Variants in RAP1A observed in about 807,000 individuals in gnomAD.
RAP1A encodes the protein ras-related protein Rap-1A.
Under a neutral mutation model 26.4 loss-of-function variants are expected in RAP1A, and 6 were observed. The ratio of observed to expected loss-of-function variants is 0.23; its 90% CI spans 0.12 to 0.45. RAP1A has a LOEUF of 0.45. RAP1A is among the 20% of genes least tolerant of loss of function. The probability of loss-of-function intolerance (pLI) is 0.99; values close to 1 mark genes in which losing one functional copy is unlikely to be tolerated. For missense variants in RAP1A, 121 were observed against 217.2 expected, an observed-to-expected ratio of 0.56 and a Z score of 2.78; for synonymous variants, 73 against 79.4, an observed-to-expected ratio of 0.92 and a Z score of 0.43.
intron 1 of RAP1A, among the ~76,000 whole-genome samples, chr1:111,626,418 C>T (rs892116396): frequency 3.9e-5 from 6 of 151,954 alleles, no homozygotes; most frequent in Non-Finnish European, 8.8e-5. Flanking sequence ...TGTATATACA[C>T]ACGTTGTAGG....
intron 4 of RAP1A, among the ~76,000 whole-genome samples, chr1:111,699,216 C>A (rs1410812165): frequency 1.3e-5 from 2 of 152,080 alleles, no homozygotes; most frequent in Non-Finnish European, 2.9e-5. Flanking sequence ...CTTTCACATA[C>A]ACTGATTCAA....
At chr1:111,664,983 C>A (rs1182466144) in intron 1 of RAP1A, among the ~76,000 whole-genome samples, 1 of 152,192 alleles carries the variant, frequency 6.6e-6, no homozygotes, top group Non-Finnish European at 1.5e-5. Flanking sequence ...GGTTTGAATA[C>A]AGCTTCCTAA....
chr1:111,609,372 C>A (rs985442613), intron 1 of RAP1A, among the ~76,000 whole-genome samples: 2 of 152,136 alleles, frequency 1.3e-5, no homozygotes, highest in Non-Finnish European at 2.9e-5. Flanking sequence ...AAGCCCACTT[C>A]TTTGGTAGCA....
At chr1:111,706,888 A>G in intron 6 of RAP1A, 1 of 262,572 alleles carries the variant, frequency 3.8e-6, no homozygotes, top group Non-Finnish European at 5.9e-6. Context: ...ACTGAAATAG[A>G]AACTACTTGT....
At position 111,697,424 on chromosome 1, in the gene RAP1A, T is replaced by G; in HGVS notation, c.127-17T>G. 6.2e-7 allele frequency: 1 copy of G among 1,612,512 alleles called. No homozygotes were observed. Among genetic ancestry groups the G allele is most frequent in the Non-Finnish European group, 8.5e-7 (1 of 1,179,628 alleles). On this transcript the variant is annotated splice_polypyrimidine_tract_variant and intron_variant, in intron 3 of 7. Transcript: ENST00000369709. ...TGATGTTACTCTTTAACCTTTTTTT[T>G]TTTTTTGCCCCCACAGCAAGTTGAA...
chr1:111,659,675 C>T (rs555016348), intron 1 of RAP1A, among the ~76,000 whole-genome samples: 2 of 151,876 alleles, frequency 1.3e-5, no homozygotes, highest in South Asian at 4.2e-4. Context: ...CTATTCATTG[C>T]CCTCCCTTGT....
At chr1:111,595,021 C>T (rs1291446730) in intron 1 of RAP1A, among the ~76,000 whole-genome samples, 1 of 152,110 alleles carries the variant, frequency 6.6e-6, no homozygotes, top group Non-Finnish European at 1.5e-5. Context: ...ATTGTGTATG[C>T]TGCTTTTTGC....
chr1:111,643,564 C>A (rs1659960526), intron 1 of RAP1A, among the ~76,000 whole-genome samples: 1 of 152,162 alleles, frequency 6.6e-6, no homozygotes, highest in Admixed American at 6.5e-5. Flanking sequence ...ACATATATAA[C>A]TGTATTTAGG....
At chr1:111,595,075 CATT>C (rs1386201750) in intron 1 of RAP1A, among the ~76,000 whole-genome samples, 3 of 152,210 alleles carry the variant, frequency 2.0e-5, no homozygotes, top group East Asian at 1.9e-4. Context: ...ATGCAACCAT[CATT>C]ATTAATAGTT....
rs201539922 is a variant in RAP1A, at chr1:111,545,562, G to A, written c.-28+3053G>A. ...ATATGATTTACAAATATTTTCCCCC[G>A]TTCTCTGGTTTGTACTTTTACTTTC... On this transcript the variant is annotated intron_variant, in intron 1 of 7. Coordinates refer to the RAP1A transcript ENST00000356415. Among the ~76,000 whole-genome samples the A allele has an allele frequency of 7.9e-5, 12 of 152,048 alleles. No individual in the cohort carries two copies. The East Asian group carries it at 1.5e-3, about 20-fold the overall frequency.
intron 1 of RAP1A, among the ~76,000 whole-genome samples, chr1:111,628,092 T>C (rs1371413013): frequency 6.6e-6 from 1 of 152,138 alleles, no homozygotes; most frequent in African/African-American, 2.4e-5. Flanking sequence ...TCCTTATTTT[T>C]ATAAAAGGAG....
At chr1:111,547,821 G>A (rs1657092028) in intron 1 of RAP1A, among the ~76,000 whole-genome samples, 3 of 152,322 alleles carry the variant, frequency 2.0e-5, no homozygotes, top group African/African-American at 7.2e-5. Context: ...ACTCTCTGGT[G>A]AAGCTTTCCT....
chr1:111,669,026 G>GAAAAAAAAAAAAAA (rs58557062), intron 1 of RAP1A, among the ~76,000 whole-genome samples: 5 of 19,594 alleles, frequency 2.6e-4, no homozygotes, highest in Non-Finnish European at 3.6e-4. Context: ...CCTATCTCAA[G>GAAAAAAAAAAAAAA]AAAAAAAAAA....
intron 1 of RAP1A, among the ~76,000 whole-genome samples, chr1:111,653,573 A>G (rs371452370): frequency 6.6e-6 from 1 of 151,366 alleles, no homozygotes; most frequent in African/African-American, 2.4e-5. Flanking sequence ...AATCCCAGCT[A>G]CGTGGGAGGC....
intron 1 of RAP1A, among the ~76,000 whole-genome samples, chr1:111,553,335 T>C (rs1052453737): frequency 8.5e-5 from 13 of 152,238 alleles, no homozygotes; most frequent in African/African-American, 3.1e-4. Context: ...ACAGCATTGA[T>C]TCTGCATCAC....
At chr1:111,692,113 G>A (rs1436401084) in intron 2 of RAP1A, among the ~76,000 whole-genome samples, 1 of 152,158 alleles carries the variant, frequency 6.6e-6, no homozygotes, top group African/African-American at 2.4e-5. Context: ...AGAAGTAAAT[G>A]TTTGAGGATT....
intron 1 of RAP1A, among the ~76,000 whole-genome samples, chr1:111,573,943 A>C (rs1366818660): frequency 6.6e-6 from 1 of 152,152 alleles, no homozygotes; most frequent in Non-Finnish European, 1.5e-5. Context: ...TTTGCTGTGC[A>C]GAAGCTCTTT....
intron 1 of RAP1A, among the ~76,000 whole-genome samples, chr1:111,614,624 G>A (rs953220702): frequency 6.6e-6 from 1 of 152,156 alleles, no homozygotes; most frequent in Non-Finnish European, 1.5e-5. Flanking sequence ...TACCTAGTCT[G>A]TTTCTCTTCA....
At chr1:111,566,021 G>A (rs942840170) in intron 1 of RAP1A, among the ~76,000 whole-genome samples, 15 of 152,018 alleles carry the variant, frequency 9.9e-5, no homozygotes, top group African/African-American at 3.6e-4. Flanking sequence ...AGAATGATGA[G>A]TCCTGAAGTG....
Sources: allele counts gnomAD v4.1 joint callset (sites outside exome capture counted in the v4.1 genomes callset), GRCh38; gene constraint gnomAD v4.1.1; transcripts MANE v1.5; gene names NCBI Gene and HGNC (gene_info 2026-07-23, HGNC 2026-07-21).